RBFOX2: variants seen among roughly 807,000 people sequenced by gnomAD.
RBFOX2 encodes the protein RNA binding fox-1 homolog 2, also known as RNA binding protein fox-1 homolog 2.
A neutral mutation model predicts 49.1 loss-of-function variants in RBFOX2; 10 were observed. The ratio of observed to expected loss-of-function variants is 0.20; its 90% CI spans 0.13 to 0.35. The LOEUF is 0.35. Ranked by LOEUF, RBFOX2 falls within the 10% of genes least tolerant of loss-of-function variation. The pLI, the probability that RBFOX2 is intolerant of heterozygous loss-of-function variation, is 1.00. For synonymous variants in RBFOX2, 183 were observed against 187.4 expected (o/e 0.98, Z 0.19); for missense variants, 323 against 486.9 (o/e 0.66, Z 3.17).
chr22:35,929,871 C>G (rs2052152415), intron 1 of RBFOX2, among the ~76,000 whole-genome samples: 1 of 152,036 alleles, frequency 6.6e-6, no homozygotes, highest in Non-Finnish European at 1.5e-5. Context: ...CAGGGAATGA[C>G]TGCAAAAGAA....
intron 1 of RBFOX2, among the ~76,000 whole-genome samples, chr22:35,937,750 C>A (rs1267716323): frequency 6.6e-6 from 1 of 152,096 alleles, no homozygotes; most frequent in Non-Finnish European, 1.5e-5. Context: ...ACCATCACAC[C>A]CAGCTAATTT....
intron 5 of RBFOX2, among the ~76,000 whole-genome samples, chr22:35,766,729 C>G (rs1941081839): frequency 1.3e-5 from 2 of 152,076 alleles, no homozygotes. Context: ...AACTGAAAAG[C>G]AAGGTTCTCA....
At chr22:35,914,770 TC>T (rs1413969399) in intron 1 of RBFOX2, among the ~76,000 whole-genome samples, 1 of 152,122 alleles carries the variant, frequency 6.6e-6, no homozygotes, top group Non-Finnish European at 1.5e-5. Flanking sequence ...TGTCACCCGA[TC>T]CCCGGGGGTA....
At chr22:35,932,882 C>A (rs970180748) in intron 1 of RBFOX2, among the ~76,000 whole-genome samples, 1 of 152,106 alleles carries the variant, frequency 6.6e-6, no homozygotes, top group Non-Finnish European at 1.5e-5. Context: ...AAAAAATTGA[C>A]AACATGACAT....
chr22:35,990,308 T>C (rs1194054131), intron 1 of RBFOX2, among the ~76,000 whole-genome samples: 1 of 151,450 alleles, frequency 6.6e-6, no homozygotes, highest in African/African-American at 2.4e-5. Context: ...AAAAATACAA[T>C]GAAAAATGAA....
chr22:35,784,492 G>GCTCTCCTTCAGGCCAGCCTTTGCTGTC (rs1945940862), intron 2 of RBFOX2, among the ~76,000 whole-genome samples: 1 of 152,216 alleles, frequency 6.6e-6, no homozygotes, highest in African/African-American at 2.4e-5. Flanking sequence ...TCAGACAGCT[G>GCTCTCCTTCAGGCCAGCCTTTGCTGTC]CTCTCCTTCA....
At chr22:35,892,840 A>T (rs770850388) in intron 1 of RBFOX2, among the ~76,000 whole-genome samples, 7 of 152,234 alleles carry the variant, frequency 4.6e-5, no homozygotes, top group Non-Finnish European at 8.8e-5. Flanking sequence ...GTCTCAGAAT[A>T]GTTATATGAC....
chr22:36,008,840 T>C (rs892355891), intron 1 of RBFOX2, among the ~76,000 whole-genome samples: 6 of 151,922 alleles, frequency 3.9e-5, no homozygotes, highest in African/African-American at 1.5e-4. Flanking sequence ...AAAGGAAAGA[T>C]TCATACCTGT....
In RBFOX2 at chr22:35,840,274, C is replaced by G. The variant is rs965070393; in HGVS notation, c.-56G>C. The G allele has an allele frequency of 1.9e-6, 3 of 1,613,924 alleles. No homozygotes were observed. In the African/African-American group the frequency reaches 4.0e-5, roughly 22 times the overall value. On this transcript the variant is annotated 5_prime_UTR_variant, in exon 1 of 12. Transcript: ENST00000405409. Reference sequence around the variant, plus strand: ...AAGCAGCCGTGCTGGGGCACACCTCCACAGCTTTCTTTTCCACCCCCCTCC... The same window carrying G: ...AAGCAGCCGTGCTGGGGCACACCTCGACAGCTTTCTTTTCCACCCCCCTCC...
chr22:35,865,046 C>G (rs1413960236), intron 1 of RBFOX2, among the ~76,000 whole-genome samples: 1 of 152,188 alleles, frequency 6.6e-6, no homozygotes, highest in Non-Finnish European at 1.5e-5. Context: ...ATTCATGGGT[C>G]TTTGGCTCTC....
chr22:35,896,008 G>GT (rs1440008432), intron 1 of RBFOX2, among the ~76,000 whole-genome samples: 1 of 152,214 alleles, frequency 6.6e-6, no homozygotes. Context: ...AGAAAATCAC[G>GT]TAATTATCCC....
At chr22:35,826,800 TA>T (rs1955846908) in intron 1 of RBFOX2, among the ~76,000 whole-genome samples, 1 of 152,164 alleles carries the variant, frequency 6.6e-6, no homozygotes, top group African/African-American at 2.4e-5. Context: ...TCAGGCACAG[TA>T]AGAGATTAAC....
intron 1 of RBFOX2, among the ~76,000 whole-genome samples, chr22:35,977,018 T>C (rs1166668266): frequency 7.0e-6 from 1 of 141,948 alleles, no homozygotes; most frequent in Non-Finnish European, 1.6e-5. Flanking sequence ...TTTAAAAAAA[T>C]GTGCAAAACA....
At chr22:35,944,050 T>C (rs1054377887) in intron 1 of RBFOX2, among the ~76,000 whole-genome samples, 2 of 152,354 alleles carry the variant, frequency 1.3e-5, no homozygotes, top group African/African-American at 4.8e-5. Context: ...TAAAATCTCT[T>C]TAAGCAGAAG....
At chr22:36,019,068 G>A (rs1448775697) in intron 1 of RBFOX2, among the ~76,000 whole-genome samples, 2 of 152,194 alleles carry the variant, frequency 1.3e-5, no homozygotes, top group Non-Finnish European at 2.9e-5. Context: ...ACCAACATAC[G>A]TAACAAAACT....
chr22:35,873,575 T>C (rs925962666), intron 1 of RBFOX2, among the ~76,000 whole-genome samples: 3 of 152,218 alleles, frequency 2.0e-5, no homozygotes, highest in African/African-American at 7.2e-5. Flanking sequence ...AATATTAGTA[T>C]CAACACAGTC....
intron 1 of RBFOX2, among the ~76,000 whole-genome samples, chr22:35,811,083 C>T (rs1431563935): frequency 3.9e-5 from 6 of 152,020 alleles, no homozygotes; most frequent in Non-Finnish European, 5.9e-5. Context: ...TCAGCTGTCT[C>T]CAATGTCCAA....
chr22:35,945,131 T>C (rs1289425611), intron 1 of RBFOX2, among the ~76,000 whole-genome samples: 1 of 152,100 alleles, frequency 6.6e-6, no homozygotes, highest in Non-Finnish European at 1.5e-5. Context: ...CTTCTACAAA[T>C]AACTTGGGTA....
intron 1 of RBFOX2, among the ~76,000 whole-genome samples, chr22:35,986,529 T>C (rs1466006431): frequency 6.6e-6 from 1 of 152,134 alleles, no homozygotes; most frequent in Non-Finnish European, 1.5e-5. Context: ...AGCCAGTTCA[T>C]CATAAAAGAC....
Sources: gnomAD v4.1 joint callset for allele counts (sites outside exome capture counted in the v4.1 genomes callset) on GRCh38, gnomAD v4.1.1 for gene constraint, MANE v1.5 for transcripts, NCBI Gene and HGNC (gene_info 2026-07-23, HGNC 2026-07-21) for gene names.